The following ERI3 variants were observed in gnomAD, a reference collection of about 807,000 sequenced individuals.
The protein encoded by ERI3 is ERI1 exoribonuclease family member 3, also known as ERI1 exoribonuclease 3.
ERI3 carries 18 observed loss-of-function variants against 44.4 expected under a neutral mutation model. That is an observed-to-expected ratio of 0.41 (90% CI 0.28 to 0.60). The LOEUF is 0.60. ERI3 is among the 20% of genes least tolerant of loss of function. The probability of loss-of-function intolerance (pLI) is 0.36; values close to 1 mark genes in which losing one functional copy is unlikely to be tolerated. For missense variants in ERI3, 294 were observed against 435.5 expected (o/e 0.68, Z 2.89); for synonymous variants, 183 against 164.8 (o/e 1.11, Z -0.84).
At chr1:44,310,951 T>TCGCGCGCGCGCGTG (rs1645946452) in intron 5 of ERI3, among the ~76,000 whole-genome samples, 1 of 95,026 alleles carries the variant, frequency 1.1e-5, no homozygotes, top group Non-Finnish European at 2.2e-5. Flanking sequence ...TATGTGCACA[T>TCGCGCGCGCGCGTG]CGCGCGCGCG....
At chr1:44,308,964 G>C (rs1305049933) in intron 5 of ERI3, among the ~76,000 whole-genome samples, 1 of 152,196 alleles carries the variant, frequency 6.6e-6, no homozygotes, top group Non-Finnish European at 1.5e-5. Flanking sequence ...GGACAGTGCT[G>C]CCTGCTCCAG....
intron 3 of ERI3, among the ~76,000 whole-genome samples, chr1:44,329,391 C>T (rs1034082301): frequency 2.6e-5 from 4 of 152,230 alleles, no homozygotes; most frequent in Admixed American, 6.5e-5. Context: ...GACATTGTTT[C>T]TCTAGTCACA....
intron 8 of ERI3, among the ~76,000 whole-genome samples, chr1:44,226,778 AACACACACACACACACACAC>A (rs60011057): frequency 7.0e-6 from 1 of 143,374 alleles, no homozygotes; most frequent in South Asian, 2.3e-4. Flanking sequence ...AGCATTATTA[AACACACACACACACACACAC>A]ACACACACAC....
intron 6 of ERI3, among the ~76,000 whole-genome samples, chr1:44,286,341 C>T (rs186466058): frequency 3.3e-5 from 5 of 152,210 alleles, no homozygotes; most frequent in African/African-American, 7.2e-5. Flanking sequence ...AATAAGCACT[C>T]GATGTCTGCT....
chr1:44,233,405 CTT>C (rs767308485), intron 8 of ERI3, among the ~76,000 whole-genome samples: 26 of 140,646 alleles, frequency 1.8e-4, no homozygotes, highest in East Asian at 2.0e-4. Context: ...ATGTCACGTT[CTT>C]TTTTTTTTTT....
chr1:44,243,794 G>A (rs1400826681), intron 8 of ERI3: 1 of 152,192 alleles, frequency 6.6e-6, no homozygotes, highest in Admixed American at 6.5e-5. Flanking sequence ...TGACGCTGAG[G>A]GAAATGAGGG....
At chr1:44,245,232 C>T (rs990605135) in intron 8 of ERI3, among the ~76,000 whole-genome samples, 2 of 152,124 alleles carry the variant, frequency 1.3e-5, no homozygotes, top group African/African-American at 4.8e-5. Flanking sequence ...TGCTCAAAAC[C>T]CACGCCTCCC....
intron 7 of ERI3, among the ~76,000 whole-genome samples, chr1:44,265,476 GTACAGCAGTCAACAA>G (rs1324341583): frequency 2.6e-5 from 4 of 152,176 alleles, no homozygotes; most frequent in African/African-American, 9.7e-5. Flanking sequence ...AATGGTGGGG[GTACAGCAGTCAACAA>G]TACAGCAGTG....
intron 7 of ERI3, among the ~76,000 whole-genome samples, chr1:44,254,912 T>C (rs1239727599): frequency 1.3e-5 from 2 of 151,660 alleles, no homozygotes; most frequent in Non-Finnish European, 2.9e-5. Flanking sequence ...CTTGTCTTTC[T>C]AAATCCTTAA....
At chr1:44,239,295 G>A (rs1465033925) in intron 8 of ERI3, among the ~76,000 whole-genome samples, 2 of 152,160 alleles carry the variant, frequency 1.3e-5, no homozygotes, top group Non-Finnish European at 1.5e-5. Context: ...GTCTGCTTTG[G>A]GGTGTGTGAC....
chr1:44,274,751 A>G (rs951176565), intron 7 of ERI3, among the ~76,000 whole-genome samples: 1 of 152,198 alleles, frequency 6.6e-6, no homozygotes, highest in Non-Finnish European at 1.5e-5. Flanking sequence ...CCAGCTCCCA[A>G]GACTGTTCCC....
chr1:44,346,085 G>A (rs1027031414), intron 2 of ERI3, among the ~76,000 whole-genome samples: 7 of 152,168 alleles, frequency 4.6e-5, no homozygotes, highest in African/African-American at 9.7e-5. Flanking sequence ...GTCCCAATGC[G>A]GAAAGGAAGC....
At chr1:44,311,752 T>C (rs1008371589) in intron 5 of ERI3, among the ~76,000 whole-genome samples, 2 of 152,110 alleles carry the variant, frequency 1.3e-5, no homozygotes, top group African/African-American at 4.8e-5. Flanking sequence ...AAAAGGTGCC[T>C]GTCTTCTGGC....
At chr1:44,335,684 G>A (rs1440140048) in intron 3 of ERI3, among the ~76,000 whole-genome samples, 2 of 149,490 alleles carry the variant, frequency 1.3e-5, no homozygotes, top group African/African-American at 4.9e-5. Flanking sequence ...GCTTGAGGCA[G>A]AGGTTGCGGT....
At chr1:44,249,972 AGGAAAAAGGGAAGGAAGGG>A (rs1644641339) in intron 7 of ERI3, among the ~76,000 whole-genome samples, 1 of 152,200 alleles carries the variant, frequency 6.6e-6, no homozygotes, top group Non-Finnish European at 1.5e-5. Flanking sequence ...CCCTCTAAAA[AGGAAAAAGGGAAGGAAGGG>A]GGAAAAAAGA....
At chr1:44,262,055 C>T (rs1644905238) in intron 7 of ERI3, among the ~76,000 whole-genome samples, 1 of 152,194 alleles carries the variant, frequency 6.6e-6, no homozygotes, top group South Asian at 2.1e-4. Context: ...ACAGTGCAAT[C>T]CAAGGCCCTC....
rs1297206937 is a variant in ERI3 at position 44,322,825 on chromosome 1, T to G, written c.490-3081A>C. ...GAGAGGTGCCCCAATCTGCACCAAG[T>G]TGGCACAACTCTGCAGCCAGGGCAC... On this transcript the variant is annotated intron_variant, in intron 3 of 8. Transcript: ENST00000372257. 1.5e-5 allele frequency: 24 copies of G among 1,550,018 alleles called. 1 individual carries two copies. The Admixed American group carries it at 2.7e-4, about 18-fold the overall frequency.
chr1:44,277,589 A>G (rs1645204497), intron 7 of ERI3, among the ~76,000 whole-genome samples: 1 of 152,160 alleles, frequency 6.6e-6, no homozygotes, highest in African/African-American at 2.4e-5. Context: ...CTTGTTATTA[A>G]CAAGTTCAGG....
rs114051029 is a variant in ERI3, at chr1:44,349,938, C to T, written c.211+2912G>A. On this transcript the variant is annotated intron_variant, in intron 2 of 8. Coordinates refer to ENST00000372257, the MANE Select transcript of ERI3 (RefSeq NM_024066.3). Reference sequence around the variant, plus strand: ...GCAGACATGGGACCCTCAGCTCTAACCTATTCATCAGACGCTCACCAAATA... The same window carrying T: ...GCAGACATGGGACCCTCAGCTCTAATCTATTCATCAGACGCTCACCAAATA... 3.4e-3 allele frequency among the ~76,000 whole-genome samples: 520 copies of T among 152,298 alleles called. 5 individuals carry two copies. Among genetic ancestry groups the T allele is most frequent in the African/African-American group, 0.012 (485 of 41,562 alleles).
Sources: allele counts gnomAD v4.1 joint callset (sites outside exome capture counted in the v4.1 genomes callset), GRCh38; gene constraint gnomAD v4.1.1; transcripts MANE v1.5; gene names NCBI Gene and HGNC (gene_info 2026-07-23, HGNC 2026-07-21).